CCDC149: variants seen among roughly 807,000 people sequenced by gnomAD.
CCDC149 encodes coiled-coil domain containing 149.
CCDC149 carries 45 observed loss-of-function variants against 59.9 expected under a neutral mutation model. That is an observed-to-expected ratio of 0.75 (90% CI 0.59 to 0.96). The LOEUF (loss-of-function observed/expected upper bound fraction) is 0.96, where lower values mean the gene tolerates loss of function less well. Among genes scored for constraint, CCDC149 ranks in the 40% least tolerant of loss-of-function variants. CCDC149 has a pLI of 0.00. For missense variants in CCDC149, 584 were observed against 664.7 expected (o/e 0.88, Z 1.33); for synonymous variants, 245 against 260.6 (o/e 0.94, Z 0.58).
intron 12 of CCDC149, among the ~76,000 whole-genome samples, chr4:24,810,324 T>C (rs1468327608): frequency 6.6e-6 from 1 of 152,196 alleles, no homozygotes; most frequent in South Asian, 2.1e-4. Context: ...AATGGAAGTA[T>C]AATATACACA....
chr4:24,812,218 C>G (rs1479175324), intron 12 of CCDC149, among the ~76,000 whole-genome samples: 1 of 152,194 alleles, frequency 6.6e-6, no homozygotes, highest in Non-Finnish European at 1.5e-5. Context: ...GGGAATTGGA[C>G]CTGAAATCTT....
intron 1 of CCDC149, among the ~76,000 whole-genome samples, chr4:24,925,336 T>C (rs1426430101): frequency 6.6e-6 from 1 of 152,196 alleles, no homozygotes; most frequent in Non-Finnish European, 1.5e-5. Context: ...TCCTTCATTT[T>C]CCATAAGAAA....
chr4:24,973,070 T>A (rs1724029172), intron 1 of CCDC149, among the ~76,000 whole-genome samples: 1 of 152,208 alleles, frequency 6.6e-6, no homozygotes, highest in African/African-American at 2.4e-5. Flanking sequence ...GGTCTTTAGA[T>A]AATAACTTAA....
chr4:24,902,849 C>T (rs994380867), intron 1 of CCDC149, among the ~76,000 whole-genome samples: 1 of 151,782 alleles, frequency 6.6e-6, no homozygotes. Flanking sequence ...GAAGGCAAAG[C>T]TCTGTCTCTC....
chr4:24,933,353 G>C (rs2109343409), intron 1 of CCDC149, among the ~76,000 whole-genome samples: 1 of 152,174 alleles, frequency 6.6e-6, no homozygotes, highest in East Asian at 1.9e-4. Flanking sequence ...TGCAGATCTT[G>C]AACCAAAGTA....
In CCDC149 at chr4:24,836,443, T is replaced by C. The variant is rs1406372971; in HGVS notation, c.728A>G (p.Lys243Arg). The change falls in exon 7 of 13, where the codon AAA becomes AGA. Residue 243 changes from lysine (K) to arginine (R), a missense_variant. Lys to Arg is a conservative substitution (Grantham distance 26). Coordinates refer to ENST00000635206, the MANE Select transcript of CCDC149 (RefSeq NM_001330643.2). ...TCATCATGATTTTGCTACCTTGTAT[T>C]TGGCAATGTTTGATTTCAAGAGGTT... is the stretch of plus-strand genomic sequence containing the variant. The C allele has an allele frequency of 6.2e-7, 1 of 1,606,794 alleles. No individual in the cohort carries two copies. Among genetic ancestry groups the C allele is most frequent in the African/African-American group, 1.3e-5 (1 of 74,900 alleles).
chr4:24,851,979 T>TA (rs1047992235), intron 4 of CCDC149, among the ~76,000 whole-genome samples: 2 of 151,744 alleles, frequency 1.3e-5, no homozygotes, highest in African/African-American at 2.4e-5. Context: ...TCCAAGAGGT[T>TA]AAAAAAATTT....
intron 1 of CCDC149, among the ~76,000 whole-genome samples, chr4:24,921,859 G>A (rs559187311): frequency 2.0e-5 from 3 of 152,286 alleles, no homozygotes; most frequent in South Asian, 4.1e-4. Context: ...CCTATTCCCC[G>A]CTCTTGTGCT....
At chr4:24,804,303 C>A (rs1184062337), downstream of CCDC149, among the ~76,000 whole-genome samples, 1 of 151,928 alleles carries the variant, frequency 6.6e-6, no homozygotes, top group Non-Finnish European at 1.5e-5. Flanking sequence ...CCAGCCTGGT[C>A]AACATAGTGA....
intron 1 of CCDC149, among the ~76,000 whole-genome samples, chr4:24,910,615 C>T (rs755771430): frequency 6.6e-6 from 1 of 152,218 alleles, no homozygotes; most frequent in Non-Finnish European, 1.5e-5. Context: ...TTGAATCAGA[C>T]ATGGTCTCCT....
intron 12 of CCDC149, among the ~76,000 whole-genome samples, chr4:24,814,113 A>C (rs1203662077): frequency 1.3e-5 from 2 of 152,190 alleles, no homozygotes; most frequent in Non-Finnish European, 2.9e-5. Flanking sequence ...ATTTTGACCA[A>C]ATCTACTTTA....
chr4:24,888,346 A>C (rs1487595571), intron 1 of CCDC149, among the ~76,000 whole-genome samples: 1 of 152,094 alleles, frequency 6.6e-6, no homozygotes, highest in African/African-American at 2.4e-5. Context: ...TAAATGTCTA[A>C]ATCTCATTTA....
chr4:24,956,839 C>T (rs1012670716), intron 1 of CCDC149, among the ~76,000 whole-genome samples: 3 of 152,244 alleles, frequency 2.0e-5, no homozygotes, highest in African/African-American at 4.8e-5. Flanking sequence ...ACTTCATTCA[C>T]ACTTGAGAAA....
chr4:24,893,910 A>G (rs1720691629), intron 1 of CCDC149, among the ~76,000 whole-genome samples: 1 of 152,000 alleles, frequency 6.6e-6, no homozygotes, highest in South Asian at 2.1e-4. Flanking sequence ...CCAGGCTAAA[A>G]TCCAGACTTC....
intron 4 of CCDC149, among the ~76,000 whole-genome samples, chr4:24,840,287 G>A (rs1577399464): frequency 6.6e-6 from 1 of 152,192 alleles, no homozygotes; most frequent in African/African-American, 2.4e-5. Flanking sequence ...GGAACAGACC[G>A]TGCAAAGGCA....
chr4:24,970,863 T>C (rs1470791983), intron 1 of CCDC149, among the ~76,000 whole-genome samples: 1 of 152,076 alleles, frequency 6.6e-6, no homozygotes, highest in Non-Finnish European at 1.5e-5. Flanking sequence ...CCCTTGGCAA[T>C]GACTATCCCT....
intron 6 of CCDC149, 22 bp from the exon 7 acceptor site, chr4:24,836,530 T>G: frequency 1.3e-6 from 2 of 1,536,060 alleles, no homozygotes; most frequent in South Asian, 2.3e-5. Flanking sequence ...TACATAAAAC[T>G]AGGAGGTGTT....
At chr4:24,927,894 A>G (rs1399074360) in intron 1 of CCDC149, among the ~76,000 whole-genome samples, 2 of 152,090 alleles carry the variant, frequency 1.3e-5, no homozygotes, top group Admixed American at 6.6e-5. Context: ...ATACCTGTGC[A>G]CATCCATGAA....
intron 1 of CCDC149, among the ~76,000 whole-genome samples, chr4:24,896,697 T>C (rs1416466867): frequency 6.6e-6 from 1 of 152,158 alleles, no homozygotes; most frequent in Non-Finnish European, 1.5e-5. Context: ...AGGAATTGAC[T>C]TACAGTAAGT....
Sources: gnomAD v4.1 joint callset for allele counts (sites outside exome capture counted in the v4.1 genomes callset) on GRCh38, gnomAD v4.1.1 for gene constraint, MANE v1.5 for transcripts, NCBI Gene and HGNC (gene_info 2026-07-23, HGNC 2026-07-21) for gene names.